Variants in PPARGC1A observed in about 807,000 individuals in gnomAD.
The protein encoded by PPARGC1A is peroxisome proliferator-activated receptor gamma coactivator 1-alpha.
Under a neutral mutation model 88.7 loss-of-function variants are expected in PPARGC1A, and 25 were observed. The observed-to-expected ratio is 0.28, with a 90% CI of 0.21 to 0.39. The LOEUF (loss-of-function observed/expected upper bound fraction) is 0.39, where lower values mean the gene tolerates loss of function less well. Among genes scored for constraint, PPARGC1A ranks in the 10% least tolerant of loss-of-function variants. The probability of loss-of-function intolerance (pLI) is 1.00; values close to 1 mark genes in which losing one functional copy is unlikely to be tolerated. For missense variants in PPARGC1A, 880 were observed against 968.7 expected (o/e 0.91, Z 1.22); for synonymous variants, 363 against 355.6 (o/e 1.02, Z -0.24).
upstream of PPARGC1A, among the ~76,000 whole-genome samples, chr4:23,891,195 C>T (rs955135294): frequency 5.3e-5 from 8 of 152,164 alleles, no homozygotes; most frequent in Non-Finnish European, 1.0e-4. Flanking sequence ...GTACTGGACA[C>T]AGTGGAAAAA....
At chr4:23,954,852 TG>T in the PPARGC1A span, among the ~76,000 whole-genome samples, 1 of 152,172 alleles carries the variant, frequency 6.6e-6, no homozygotes, top group African/African-American at 2.4e-5. Flanking sequence ...GGAAATTACC[TG>T]GTACTTAACA....
chr4:24,124,852 A>G, the PPARGC1A span, among the ~76,000 whole-genome samples: 1 of 152,198 alleles, frequency 6.6e-6, no homozygotes, highest in Admixed American at 6.5e-5. Flanking sequence ...CTTGTTTTGT[A>G]TTCAGACATA....
intron 7 of PPARGC1A, among the ~76,000 whole-genome samples, chr4:23,815,267 C>A (rs1295142802): frequency 2.0e-5 from 3 of 152,242 alleles, no homozygotes; most frequent in African/African-American, 7.2e-5. Context: ...GGCAGTGATT[C>A]TTTGTCGCCA....
At chr4:24,091,770 G>A in the PPARGC1A span, 4 of 347,266 alleles carry the variant, frequency 1.2e-5, no homozygotes, top group Non-Finnish European at 1.6e-5. Context: ...CAGCCATCAA[G>A]CGTCCAGAGA....
At chr4:24,460,269 A>G in the PPARGC1A span, among the ~76,000 whole-genome samples, 1 of 152,208 alleles carries the variant, frequency 6.6e-6, no homozygotes, top group Non-Finnish European at 1.5e-5. Context: ...CATCTACTTT[A>G]TTCTGGGTCT....
At chr4:24,057,140 C>T in the PPARGC1A span, among the ~76,000 whole-genome samples, 5 of 152,238 alleles carry the variant, frequency 3.3e-5, no homozygotes, top group African/African-American at 1.2e-4. Flanking sequence ...AACATTTTGA[C>T]ACGTACTACA....
chr4:24,463,264 C>A, the PPARGC1A span, among the ~76,000 whole-genome samples: 1 of 152,254 alleles, frequency 6.6e-6, no homozygotes, highest in Admixed American at 6.5e-5. Context: ...TTAAATGATC[C>A]ACTCAGCATG....
the PPARGC1A span, among the ~76,000 whole-genome samples, chr4:24,192,820 GTATT>G: frequency 3.3e-5 from 5 of 152,146 alleles, no homozygotes. Context: ...TAGCTACACT[GTATT>G]TATGCCTCTG....
chr4:23,982,158 T>TG, the PPARGC1A span, among the ~76,000 whole-genome samples: 1 of 152,172 alleles, frequency 6.6e-6, no homozygotes, highest in East Asian at 1.9e-4. Context: ...TCTTCCAAAA[T>TG]GGGCTTTTAT....
chr4:23,919,491 A>G, the PPARGC1A span, among the ~76,000 whole-genome samples: 1 of 91,348 alleles, frequency 1.1e-5, no homozygotes, highest in African/African-American at 6.8e-5. Context: ...ATTATGCCTC[A>G]AGGAGGACTT....
chr4:24,171,113 C>A, the PPARGC1A span, among the ~76,000 whole-genome samples: 64 of 152,214 alleles, frequency 4.2e-4, no homozygotes, highest in African/African-American at 1.4e-3. Context: ...TCCCTGACCA[C>A]CTTATTTAAG....
the PPARGC1A span, among the ~76,000 whole-genome samples, chr4:24,209,482 A>G: frequency 1.3e-5 from 2 of 152,186 alleles, no homozygotes; most frequent in Non-Finnish European, 2.9e-5. Context: ...GAGGTCAGAG[A>G]TCCCACTAAA....
chr4:24,107,503 C>A, the PPARGC1A span, among the ~76,000 whole-genome samples: 1,032 of 152,318 alleles, frequency 6.8e-3, 11 homozygotes, highest in African/African-American at 0.024. Context: ...CTTACCAGGT[C>A]CAGATGAAAT....
intron 2 of PPARGC1A, among the ~76,000 whole-genome samples, chr4:23,858,596 C>T (rs1433789285): frequency 6.6e-6 from 1 of 152,132 alleles, no homozygotes; most frequent in Non-Finnish European, 1.5e-5. Flanking sequence ...TCCTGGTTTC[C>T]TCATTGTGAA....
the PPARGC1A span, among the ~76,000 whole-genome samples, chr4:24,467,008 G>GAGAAAGAAAGAAAGAA: frequency 0.022 from 2,793 of 128,844 alleles, 59 homozygotes; most frequent in Non-Finnish European, 0.028. Flanking sequence ...GAAGGAAGGG[G>GAGAAAGAAAGAAAGAA]AGAAAGAAAG....
intron 10 of PPARGC1A, among the ~76,000 whole-genome samples, chr4:23,808,408 C>G (rs1312780343): frequency 1.3e-5 from 2 of 152,246 alleles, no homozygotes; most frequent in Non-Finnish European, 2.9e-5. Context: ...CTGAGCACAT[C>G]TAGTTTTGGT....
the PPARGC1A span, among the ~76,000 whole-genome samples, chr4:24,154,091 C>T: frequency 6.6e-6 from 1 of 151,792 alleles, no homozygotes; most frequent in East Asian, 1.9e-4. Context: ...TTGACAACCA[C>T]TGTTATTTTT....
chr4:24,238,743 A>ATGTG, the PPARGC1A span, among the ~76,000 whole-genome samples: 1,651 of 118,580 alleles, frequency 0.014, 32 homozygotes, highest in Admixed American at 0.018. Flanking sequence ...CCAAGGTTGT[A>ATGTG]TATGTGTGTG....
the PPARGC1A span, among the ~76,000 whole-genome samples, chr4:23,987,005 CTTG>C: frequency 2.8e-4 from 42 of 152,116 alleles, no homozygotes; most frequent in Middle Eastern, 6.8e-3. Context: ...GAACACAGAA[CTTG>C]TTGTAAAAGT....
Sources: allele counts gnomAD v4.1 joint callset (sites outside exome capture counted in the v4.1 genomes callset), GRCh38; gene constraint gnomAD v4.1.1; transcripts MANE v1.5; gene names NCBI Gene and HGNC (gene_info 2026-07-23, HGNC 2026-07-21).